LNX1: variants seen among roughly 807,000 people sequenced by gnomAD.
LNX1 encodes ligand of numb-protein X 1.
Under a neutral mutation model 68.4 loss-of-function variants are expected in LNX1, and 54 were observed. The ratio of observed to expected loss-of-function variants is 0.79; its 90% CI spans 0.63 to 0.99. The LOEUF is 0.99. Ranked by LOEUF, LNX1 falls within the 50% of genes least tolerant of loss-of-function variation. The probability of loss-of-function intolerance (pLI) is 0.00; values close to 1 mark genes in which losing one functional copy is unlikely to be tolerated. For synonymous variants in LNX1, 336 were observed against 350.0 expected (o/e 0.96, Z 0.45); for missense variants, 906 against 926.4 (o/e 0.98, Z 0.29).
rs1726859370 is a variant in LNX1 at position 53,517,299 on chromosome 4, TATG to T, written c.381-9075_381-9073del. Among the ~76,000 whole-genome samples, 6 of 152,332 alleles carry T rather than the reference TATG, an allele frequency of 3.9e-5. No individual in the cohort carries two copies. The South Asian group carries it at 1.2e-3, about 32-fold the overall frequency. ...AGAAAGCAGATATATAGTTTAAATA[TATG>T]ATAACTAATTATTTCATGACTCCTT... On this transcript the variant is annotated intron_variant, in intron 2 of 10. Coordinates refer to ENST00000263925, the MANE Select transcript of LNX1 (RefSeq NM_001126328.3).
At chr4:53,590,997 A>C (rs1732474628) in intron 1 of LNX1, among the ~76,000 whole-genome samples, 1 of 152,220 alleles carries the variant, frequency 6.6e-6, no homozygotes, top group Non-Finnish European at 1.5e-5. Flanking sequence ...AAGAACTCTG[A>C]ATCCAGTCTG....
chr4:53,629,405 T>C (rs1300173051), intron 1 of LNX1, among the ~76,000 whole-genome samples: 1 of 152,066 alleles, frequency 6.6e-6, no homozygotes, highest in African/African-American at 2.4e-5. Flanking sequence ...CTTGCAGTGC[T>C]AAGAGCTCAC....
intron 2 of LNX1, among the ~76,000 whole-genome samples, chr4:53,601,447 G>A (rs1338647093): frequency 4.6e-5 from 7 of 152,186 alleles, no homozygotes; most frequent in Admixed American, 4.6e-4. Context: ...CCCACATTGG[G>A]TGACTCTCAC....
chr4:53,648,193 T>C (rs1734961486), intron 1 of LNX1, among the ~76,000 whole-genome samples: 1 of 151,894 alleles, frequency 6.6e-6, no homozygotes, highest in Admixed American at 6.5e-5. Flanking sequence ...TGTTACACAA[T>C]AGCTGTATCA....
intron 2 of LNX1, among the ~76,000 whole-genome samples, chr4:53,570,054 A>G (rs1314281597): frequency 6.6e-6 from 1 of 152,034 alleles, no homozygotes; most frequent in Non-Finnish European, 1.5e-5. Flanking sequence ...GAACACTTTT[A>G]CACTGTTGGT....
chr4:53,495,155 C>T lies in LNX1; in HGVS notation c.1350+868G>A, dbSNP rs182936375. ...ATGTTAACACTAGGAAAAACAGTAA[C>T]GAGACATGGGATCTCTCTGTATTAT... On this transcript the variant is annotated intron_variant, in intron 6 of 10. Transcript: ENST00000263925. Among the ~76,000 whole-genome samples the T allele has an allele frequency of 3.0e-3, 459 of 152,086 alleles. 2 individuals carry two copies. Among genetic ancestry groups the T allele is most frequent in the Non-Finnish European group, 5.2e-3 (356 of 68,010 alleles).
At chr4:53,540,479 G>T (rs1728674552) in intron 2 of LNX1, among the ~76,000 whole-genome samples, 1 of 152,006 alleles carries the variant, frequency 6.6e-6, no homozygotes, top group African/African-American at 2.4e-5. Flanking sequence ...AAAAATAAGT[G>T]TTATTAGCCT....
At chr4:53,552,828 CA>C (rs11375920) in intron 2 of LNX1, among the ~76,000 whole-genome samples, 3,053 of 109,522 alleles carry the variant, frequency 0.028, 92 homozygotes, top group African/African-American at 0.096. Flanking sequence ...GACTCCATCT[CA>C]AAAAAAAAAA....
In LNX1 at chr4:53,626,382, G is replaced by A. The variant is rs997178682; in HGVS notation, c.-215+25786C>T. Among the ~76,000 whole-genome samples the A allele has an allele frequency of 3.4e-4, 51 of 152,132 alleles. 1 individual carries two copies. Among genetic ancestry groups the A allele is most frequent in the Admixed American group, 2.8e-3 (43 of 15,268 alleles). On this transcript the variant is annotated intron_variant, in intron 1 of 2. Transcript: ENST00000507168. ...AAACAATGAATTGTACACTTTAAAA[G>A]GGTAAATTTTAGGTATGTGAATTAT...
Position 53,576,119 on chromosome 4 carries a change from C to T in LNX1, c.-86-2031G>A. ...AGCGTGGTATTTGGGAGCCAGCGGC[C>T]CCTCCTTGATTCTGTGGCCCAGCAG... On this transcript the variant is annotated intron_variant, in intron 1 of 10. Transcript: ENST00000263925. 1.2e-5 allele frequency: 18 copies of T among 1,556,130 alleles called. No individual in the cohort carries two copies. In the South Asian group the frequency reaches 1.4e-4, roughly 12 times the overall value.
chr4:53,541,793 A>G (rs1252381289), intron 2 of LNX1, among the ~76,000 whole-genome samples: 1 of 152,256 alleles, frequency 6.6e-6, no homozygotes, highest in Non-Finnish European at 1.5e-5. Flanking sequence ...ATTTACAAGT[A>G]AAAGAGGCAA....
In LNX1 at chr4:53,459,574, A is replaced by G. The variant is rs772166980; in HGVS notation, c.*1333T>C. 2.4e-5 allele frequency: 33 copies of G among 1,378,962 alleles called. No individual in the cohort carries two copies. The highest frequency in any genetic ancestry group is 3.3e-5 in the Non-Finnish European group (33 of 994,682). The allele number at this position is 1,378,962 out of a possible 1,614,324, so 85.4% of individuals were successfully genotyped here. On this transcript the variant is annotated 3_prime_UTR_variant, in exon 11 of 11. Coordinates refer to ENST00000263925, the MANE Select transcript of LNX1 (RefSeq NM_001126328.3). ...TTCTGTTTGTTAGTATGAAAAGTTA[A>G]CTTTTTTTCCAAAATAAAAGAGTGA...
exon 1 of LNX1, chr4:53,617,382 TAGGA>T: frequency 6.6e-6 from 1 of 152,178 alleles, no homozygotes; most frequent in Admixed American, 6.5e-5. Flanking sequence ...TGTTAGCAAC[TAGGA>T]TAATATCCAG....
upstream of LNX1, among the ~76,000 whole-genome samples, chr4:53,618,778 AAATAT>A (rs891682134): frequency 6.6e-6 from 1 of 152,196 alleles, no homozygotes; most frequent in Non-Finnish European, 1.5e-5. Context: ...TTAGCTAACT[AAATAT>A]ATCTAAAATA....
In LNX1 at chr4:53,481,874, C is replaced by T; in HGVS notation, c.1351-20G>A. On this transcript the variant is annotated intron_variant, in intron 6 of 10. Coordinates refer to ENST00000263925, the MANE Select transcript of LNX1 (RefSeq NM_001126328.3). ...ACTGGCCTGGGCAAGAAGACACAGG[C>T]ATTAGCCACTGTCAGTTTCCATCCA... 1 of 1,551,862 alleles carries T rather than the reference C, an allele frequency of 6.4e-7. No homozygotes were observed. The highest frequency in any genetic ancestry group is 2.4e-5 in the East Asian group (1 of 41,666).
At chr4:53,513,340 G>C (rs745802030) in intron 2 of LNX1, among the ~76,000 whole-genome samples, 1 of 152,110 alleles carries the variant, frequency 6.6e-6, no homozygotes, top group Non-Finnish European at 1.5e-5. Flanking sequence ...CTTCACAGAT[G>C]AAGATATGGA....
chr4:53,506,511 A>G (rs1014134021), intron 4 of LNX1, among the ~76,000 whole-genome samples: 1 of 152,102 alleles, frequency 6.6e-6, no homozygotes, highest in Non-Finnish European at 1.5e-5. Context: ...AGGTAATTTG[A>G]GCAACCTAAG....
At chr4:53,610,785 T>G (rs550420571) in intron 2 of LNX1, among the ~76,000 whole-genome samples, 3 of 146,748 alleles carry the variant, frequency 2.0e-5, no homozygotes, top group Admixed American at 6.8e-5. Flanking sequence ...TAAAGAGAGA[T>G]AAATAAAGGC....
intron 2 of LNX1, 199 bp from the exon 3 acceptor site, chr4:53,508,426 T>C (rs1230431594): frequency 1.7e-6 from 1 of 592,844 alleles, no homozygotes; most frequent in Admixed American, 4.3e-5. Context: ...AATTCATAAT[T>C]TGAGATTTTT....
Sources: gnomAD v4.1 joint callset for allele counts (sites outside exome capture counted in the v4.1 genomes callset) on GRCh38, gnomAD v4.1.1 for gene constraint, MANE v1.5 for transcripts, NCBI Gene and HGNC (gene_info 2026-07-23, HGNC 2026-07-21) for gene names.